Variants in DNAH12 observed in about 807,000 individuals in gnomAD.
DNAH12 encodes the protein dynein axonemal heavy chain 12.
A neutral mutation model predicts 371.5 loss-of-function variants in DNAH12; 285 were observed. The observed-to-expected ratio is 0.77, with a 90% CI of 0.70 to 0.85. The LOEUF is 0.85. Among genes scored for constraint, DNAH12 ranks in the 40% least tolerant of loss-of-function variants. DNAH12 has a pLI of 0.00. For synonymous variants in DNAH12, 1,200 were observed against 1,213.0 expected, an observed-to-expected ratio of 0.99 and a Z score of 0.22; for missense variants, 3,611 against 3,689.4, an observed-to-expected ratio of 0.98 and a Z score of 0.55.
intron 62 of DNAH12, among the ~76,000 whole-genome samples, chr3:57,328,550 G>A (rs2062006751): frequency 1.3e-5 from 2 of 151,840 alleles, no homozygotes; most frequent in African/African-American, 4.8e-5. Context: ...AGGTATTGAT[G>A]GGATGTATCT....
chr3:57,366,419 A>G (rs1414370298), intron 57 of DNAH12, among the ~76,000 whole-genome samples: 1 of 152,036 alleles, frequency 6.6e-6, no homozygotes, highest in Non-Finnish European at 1.5e-5. Context: ...CTTTCATTAT[A>G]CTCTGTGGAC....
intron 27 of DNAH12, 58 bp from the exon 28 acceptor site, chr3:57,445,477 G>C: frequency 7.4e-7 from 1 of 1,358,944 alleles, no homozygotes; most frequent in Non-Finnish European, 9.6e-7. Context: ...TTTTTAAGCT[G>C]AGCATAAGTA....
intron 43 of DNAH12, among the ~76,000 whole-genome samples, chr3:57,401,054 GA>G (rs2063846014): frequency 6.6e-6 from 1 of 152,082 alleles, no homozygotes; most frequent in African/African-American, 2.4e-5. Flanking sequence ...ATCAATGCCA[GA>G]AGGAAAAATT....
intron 41 of DNAH12, among the ~76,000 whole-genome samples, chr3:57,405,376 G>T (rs1235556032): frequency 6.6e-6 from 1 of 152,046 alleles, no homozygotes; most frequent in Non-Finnish European, 1.5e-5. Context: ...CATTCTGGGC[G>T]ACTCCCATTG....
At position 57,314,630 on chromosome 3, in the gene DNAH12, G is replaced by A; in HGVS notation, c.10526C>T (p.Ala3509Val). The change falls in exon 66 of 74, where the codon GCC (alanine) becomes GTC (valine). Residue 3509 changes from alanine to valine, a missense_variant and splice_region_variant. Transcript: ENST00000495027. ...FFKGCRGKEL[A>V]WEKLLFGVCF... ...AACTCCAAACAGTAACTTCTCCCAG[G>A]CCTTTAATATAAAAAGTACATAACA... The A allele has an allele frequency of 6.5e-7, 1 of 1,535,996 alleles. No individual in the cohort carries two copies. The highest frequency in any genetic ancestry group is 8.7e-7 in the Non-Finnish European group (1 of 1,143,616).
intron 57 of DNAH12, among the ~76,000 whole-genome samples, chr3:57,365,472 AGG>A: frequency 6.6e-6 from 1 of 152,216 alleles, no homozygotes; most frequent in Admixed American, 6.6e-5. Flanking sequence ...GGGTAGGAGG[AGG>A]GAGAGCATCA....
chr3:57,508,662 C>A, intron 6 of DNAH12, 122 bp from the exon 7 acceptor site: 3 of 1,115,464 alleles, frequency 2.7e-6, no homozygotes, highest in Non-Finnish European at 3.7e-6. Context: ...GAAGAGGGAG[C>A]TGTGGTCAGC....
At chr3:57,410,338 C>T (rs1456581966) in intron 39 of DNAH12, among the ~76,000 whole-genome samples, 4 of 151,874 alleles carry the variant, frequency 2.6e-5, no homozygotes, top group Non-Finnish European at 5.9e-5. Flanking sequence ...TGGTGATCTG[C>T]GATCTTTGAT....
intron 43 of DNAH12, among the ~76,000 whole-genome samples, chr3:57,401,357 C>G (rs2063853931): frequency 6.7e-6 from 1 of 148,474 alleles, no homozygotes; most frequent in African/African-American, 2.5e-5. Flanking sequence ...CGAGACCAGC[C>G]TGGGCAACAC....
intron 65 of DNAH12, among the ~76,000 whole-genome samples, chr3:57,315,475 A>G (rs1199741910): frequency 1.3e-5 from 2 of 151,018 alleles, no homozygotes; most frequent in Admixed American, 6.6e-5. Context: ...CAATAAGAGC[A>G]ATGATCTAAT....
Position 57,510,950 on chromosome 3 carries a change from T to C in DNAH12, c.309A>G (p.Val103=). 6.2e-7 allele frequency: 1 copy of C among 1,605,858 alleles called. No individual in the cohort carries two copies. Among genetic ancestry groups the C allele is most frequent in the Non-Finnish European group, 8.5e-7 (1 of 1,178,436 alleles). ...GAATAGGTACTAAAGGACTACTTTCTACACATTGCTTCATATAAATATAGT... is the reference window on the plus strand; with the variant it reads ...GAATAGGTACTAAAGGACTACTTTCCACACATTGCTTCATATAAATATAGT... ...GFNYIYMKQC[V]ESSPLVPIQQ... is the part of the protein sequence containing the mutation. The change falls in exon 5 of 74, where the codon GTA becomes GTG. Residue 103 remains valine, a synonymous_variant. Coordinates refer to ENST00000495027, the MANE Select transcript of DNAH12 (RefSeq NM_001366028.2).
chr3:57,415,303 A>T (rs9811855), intron 38 of DNAH12, 123 bp downstream of exon 38: 2 of 1,319,226 alleles, frequency 1.5e-6, no homozygotes, highest in East Asian at 2.8e-5. Context: ...GTAACTCCCC[A>T]AACATTTGAA....
In DNAH12 at chr3:57,523,578, C is replaced by A; in HGVS notation, c.279+5G>T. 1 of 1,579,894 alleles carries A rather than the reference C, an allele frequency of 6.3e-7. No homozygotes were observed. Among genetic ancestry groups the A allele is most frequent in the Non-Finnish European group, 8.6e-7 (1 of 1,163,828 alleles). The stretch of plus-strand genomic sequence containing the variant: ...CAAACAAGAAATATAAAAACTTGAA[C>A]TCACTCCTTTTTTTTTCATTTCACT... On this transcript the variant is annotated splice_donor_5th_base_variant and intron_variant, in intron 4 of 73. Coordinates refer to ENST00000495027, the MANE Select transcript of DNAH12 (RefSeq NM_001366028.2).
chr3:57,555,044 G>A, the DNAH12 span, among the ~76,000 whole-genome samples: 3 of 152,020 alleles, frequency 2.0e-5, no homozygotes, highest in African/African-American at 7.2e-5. Flanking sequence ...CCAGGAGTTC[G>A]CGACCAGCCC....
At chr3:57,508,624 GT>G (rs2067867446) in intron 6 of DNAH12, 84 bp from the exon 7 acceptor site, 1 of 1,450,290 alleles carries the variant, frequency 6.9e-7, no homozygotes, top group Non-Finnish European at 9.1e-7. Flanking sequence ...CATGAAATTA[GT>G]ATTGAAGTGA....
intron 58 of DNAH12, among the ~76,000 whole-genome samples, chr3:57,361,110 G>A (rs1382555767): frequency 1.3e-5 from 2 of 152,008 alleles, no homozygotes; most frequent in Non-Finnish European, 2.9e-5. Context: ...TGCACTTTGG[G>A]AGGCCGAGAC....
rs1160209942 is a variant in DNAH12 at position 57,470,460 on chromosome 3, C to T, written c.2088G>A (p.Trp696Ter). The T allele has an allele frequency of 1.3e-6, 2 of 1,521,300 alleles. No individual in the cohort carries two copies. Among genetic ancestry groups the T allele is most frequent in the African/African-American group, 1.4e-5 (1 of 71,524 alleles). The allele number at this position is 1,521,300 out of a possible 1,614,324, so 94.2% of individuals were successfully genotyped here. The change falls in exon 16 of 74, where the codon TGG becomes TGA. Residue 696 changes from tryptophan (W) to a stop codon, truncating the protein, a stop_gained. Coordinates refer to ENST00000495027, the MANE Select transcript of DNAH12 (RefSeq NM_001366028.2). LOFTEE classifies it high-confidence loss of function. The part of the protein sequence containing the change: ...YQKFFNFVLK[W>*]QRSEKRWMDG... Reference sequence around the variant, plus strand: ...GCAATTACCGTTTTTCTGATCGCTGCCACTTCAAAACAAAATTAAAAAACT... The same window carrying T: ...GCAATTACCGTTTTTCTGATCGCTGTCACTTCAAAACAAAATTAAAAAACT...
chr3:57,421,939 T>G (rs1005568094), intron 35 of DNAH12, among the ~76,000 whole-genome samples: 2 of 129,650 alleles, frequency 1.5e-5, no homozygotes, highest in African/African-American at 6.6e-5. Context: ...AGCGCCTCTC[T>G]CTGGTTGCCC....
intron 2 of DNAH12, among the ~76,000 whole-genome samples, chr3:57,533,552 T>TAG (rs1348186600): frequency 6.6e-6 from 1 of 152,150 alleles, no homozygotes; most frequent in Non-Finnish European, 1.5e-5. Context: ...CAAGGGCTCT[T>TAG]TAGTCAGTAA....
Sources: allele counts gnomAD v4.1 joint callset (sites outside exome capture counted in the v4.1 genomes callset), GRCh38; gene constraint gnomAD v4.1.1; transcripts MANE v1.5; gene names NCBI Gene and HGNC (gene_info 2026-07-23, HGNC 2026-07-21).